The following DNAJC5B variants were observed in gnomAD, a reference collection of about 807,000 sequenced individuals.
DNAJC5B encodes DnaJ heat shock protein family (Hsp40) member C5 beta.
DNAJC5B carries 23 observed loss-of-function variants against 24.7 expected under a neutral mutation model. The ratio of observed to expected loss-of-function variants is 0.93; its 90% CI spans 0.67 to 1.32. DNAJC5B has a LOEUF of 1.32. Among genes scored for constraint, DNAJC5B ranks in the 40% most tolerant of loss-of-function variants. The pLI is 0.00. For missense variants in DNAJC5B, 238 were observed against 240.8 expected (o/e 0.99, Z 0.08); for synonymous variants, 101 against 90.1 (o/e 1.12, Z -0.68).
At chr8:66,081,696 A>C (rs1807599288) in intron 5 of DNAJC5B, among the ~76,000 whole-genome samples, 1 of 152,138 alleles carries the variant, frequency 6.6e-6, no homozygotes, top group Non-Finnish European at 1.5e-5. Context: ...TAAATTGTAC[A>C]GATTCCCAGA....
At chr8:66,056,304 C>T (rs1167600791) in intron 3 of DNAJC5B, among the ~76,000 whole-genome samples, 1 of 152,148 alleles carries the variant, frequency 6.6e-6, no homozygotes, top group Non-Finnish European at 1.5e-5. Context: ...GCAAGGGGCA[C>T]CAATTGAAAG....
intron 1 of DNAJC5B, among the ~76,000 whole-genome samples, chr8:66,029,246 G>A (rs2128956032): frequency 6.6e-6 from 1 of 152,326 alleles, no homozygotes; most frequent in South Asian, 2.1e-4. Flanking sequence ...GGAGACCAGG[G>A]CAAAGGGAGT....
chr8:66,093,403 ACAT>A, intron 5 of DNAJC5B, among the ~76,000 whole-genome samples: 1 of 152,078 alleles, frequency 6.6e-6, no homozygotes, highest in Admixed American at 6.6e-5. Flanking sequence ...CCTCCACTTG[ACAT>A]CCCCTGATGG....
chr8:66,068,389 A>G (rs1807269654), intron 3 of DNAJC5B, among the ~76,000 whole-genome samples: 1 of 152,110 alleles, frequency 6.6e-6, no homozygotes, highest in Non-Finnish European at 1.5e-5. Context: ...CAGAAACTCT[A>G]CAACAGAAAA....
Position 66,076,666 on chromosome 8 carries a change from G to A in DNAJC5B, c.126G>A (p.Leu42=), listed in dbSNP as rs1563605775. Residue 42 remains leucine, a synonymous_variant, in exon 4 of 6, where the codon TTG becomes TTA. Coordinates refer to ENST00000276570, the MANE Select transcript of DNAJC5B (RefSeq NM_033105.6). ...TTTTCTTTTATTTTAAAAGAAAATT[G>A]GCCCTGAAACACCATCCAGACAAGA... The part of the protein sequence containing the change: ...NEEIKKTYRK[L]ALKHHPDKNP... The A allele has an allele frequency of 6.2e-7, 1 of 1,613,688 alleles. No homozygotes were observed. The highest frequency in any genetic ancestry group is 8.5e-7 in the Non-Finnish European group (1 of 1,179,900).
intron 1 of DNAJC5B, among the ~76,000 whole-genome samples, chr8:66,035,246 A>G (rs751205729): frequency 2.0e-5 from 3 of 152,250 alleles, no homozygotes; most frequent in Non-Finnish European, 4.4e-5. Context: ...CTGCCTAGGC[A>G]TAAATAAAAT....
chr8:66,054,146 C>A (rs963889461), intron 3 of DNAJC5B, among the ~76,000 whole-genome samples: 1 of 151,694 alleles, frequency 6.6e-6, no homozygotes, highest in African/African-American at 2.4e-5. Context: ...TTTTCTTATG[C>A]GGTATAAAGC....
At position 66,068,469 on chromosome 8, in the gene DNAJC5B, C is replaced by T. The variant is rs183548332; in HGVS notation, c.120-8191C>T. Among the ~76,000 whole-genome samples the T allele has an allele frequency of 3.1e-4, 47 of 149,276 alleles. 2 individuals carry two copies. The East Asian group carries it at 7.7e-3, about 24-fold the overall frequency. The stretch of plus-strand genomic sequence containing the variant: ...CTAGAAGATAGCTTAGAAGAAAATA[C>T]CAAAGAAGAATTACAAAAAGATGGA... On this transcript the variant is annotated intron_variant, in intron 3 of 5. Coordinates refer to ENST00000276570, the MANE Select transcript of DNAJC5B (RefSeq NM_033105.6).
chr8:66,039,050 A>T (rs1286337650), intron 1 of DNAJC5B, among the ~76,000 whole-genome samples: 1 of 152,224 alleles, frequency 6.6e-6, no homozygotes, highest in Non-Finnish European at 1.5e-5. Flanking sequence ...ACTTATTGGT[A>T]GTTCCTTGTT....
At chr8:66,069,827 C>A (rs745974035) in intron 3 of DNAJC5B, among the ~76,000 whole-genome samples, 8 of 152,248 alleles carry the variant, frequency 5.3e-5, no homozygotes, top group South Asian at 2.1e-4. Flanking sequence ...ACTGGCAAAC[C>A]GAATCCAGCA....
At chr8:66,053,928 C>T (rs1806908604) in intron 3 of DNAJC5B, among the ~76,000 whole-genome samples, 1 of 145,830 alleles carries the variant, frequency 6.9e-6, no homozygotes, top group African/African-American at 2.6e-5. Flanking sequence ...CGTGCCTGGC[C>T]TACTACCCTT....
At chr8:66,062,914 G>A (rs148885624) in intron 3 of DNAJC5B, among the ~76,000 whole-genome samples, 4,937 of 152,318 alleles carry the variant, frequency 0.032, 120 homozygotes, top group Middle Eastern at 0.082. Context: ...GGAGGCTGAG[G>A]TGGGAGGATC....
chr8:66,066,525 T>C (rs559682672), intron 3 of DNAJC5B, among the ~76,000 whole-genome samples: 1 of 152,328 alleles, frequency 6.6e-6, no homozygotes, highest in African/African-American at 2.4e-5. Flanking sequence ...GTGATATATA[T>C]ACATCATGGA....
At chr8:66,016,863 T>C (rs1805967175), upstream of DNAJC5B, among the ~76,000 whole-genome samples, 2 of 152,210 alleles carry the variant, frequency 1.3e-5, no homozygotes, top group Admixed American at 1.3e-4. Context: ...GTTAGACCAA[T>C]ATTAGCAGCA....
At chr8:66,057,218 A>C (rs1340347934) in intron 3 of DNAJC5B, 4 of 152,204 alleles carry the variant, frequency 2.6e-5, no homozygotes, top group Non-Finnish European at 4.4e-5. Context: ...AGTAAAAAAA[A>C]ATGGAAATTC....
chr8:66,038,286 A>G (rs1417193968), intron 1 of DNAJC5B, among the ~76,000 whole-genome samples: 2 of 152,230 alleles, frequency 1.3e-5, no homozygotes, highest in Non-Finnish European at 2.9e-5. Flanking sequence ...GCACTTAGGA[A>G]TTGATCCAGT....
chr8:66,060,440 CTG>C lies in DNAJC5B; in HGVS notation c.119+8775_119+8776del, dbSNP rs1387575862. ...GCTCTCTGGGACTTCTGGGAGGCCA[CTG>C]CTACCAGCTTTCCAAACACATCCTG... On this transcript the variant is annotated intron_variant, in intron 3 of 5. Transcript: ENST00000276570. Among the ~76,000 whole-genome samples the C allele has an allele frequency of 1.1e-3, 165 of 152,352 alleles. 2 individuals carry two copies. The South Asian group carries it at 0.033, about 31-fold the overall frequency.
chr8:66,070,629 A>G (rs1337418511), intron 3 of DNAJC5B, among the ~76,000 whole-genome samples: 2 of 152,208 alleles, frequency 1.3e-5, no homozygotes, highest in Non-Finnish European at 2.9e-5. Flanking sequence ...TACTGCCCAA[A>G]GTAATTTATA....
In DNAJC5B at chr8:66,099,832, G is replaced by GT. The variant is rs1333487942; in HGVS notation, c.506-103dup. ...GGTATATTGATATCTTATGAATTGA[G>GT]TTGATTTGCCAGTCATGAATTCAAC... On this transcript the variant is annotated intron_variant, in intron 5 of 5. Coordinates refer to ENST00000276570, the MANE Select transcript of DNAJC5B (RefSeq NM_033105.6). 4.3e-6 allele frequency: 4 copies of GT among 927,724 alleles called. No homozygotes were observed. In the African/African-American group the frequency reaches 6.6e-5, roughly 15 times the overall value. The allele number at this position is 927,724 out of a possible 1,614,324, so 57.5% of individuals were successfully genotyped here.
Sources: gnomAD v4.1 joint callset for allele counts (sites outside exome capture counted in the v4.1 genomes callset) on GRCh38, gnomAD v4.1.1 for gene constraint, MANE v1.5 for transcripts, NCBI Gene and HGNC (gene_info 2026-07-23, HGNC 2026-07-21) for gene names.